Variants in DOCK5 observed in about 807,000 individuals in gnomAD.
The protein encoded by DOCK5 is dedicator of cytokinesis 5.
A neutral mutation model predicts 251.8 loss-of-function variants in DOCK5; 142 were observed. That is an observed-to-expected ratio of 0.56 (90% CI 0.49 to 0.65). DOCK5 has a LOEUF of 0.65. DOCK5 is among the 30% of genes least tolerant of loss of function. The probability of loss-of-function intolerance (pLI) is 0.00; values close to 1 mark genes in which losing one functional copy is unlikely to be tolerated. For synonymous variants in DOCK5, 842 were observed against 835.5 expected (o/e 1.01, Z -0.13); for missense variants, 2,111 against 2,312.3 (o/e 0.91, Z 1.79).
chr8:25,235,351 C>G (rs541470863), intron 1 of DOCK5, among the ~76,000 whole-genome samples: 2 of 152,258 alleles, frequency 1.3e-5, no homozygotes, highest in East Asian at 1.9e-4. Flanking sequence ...GCCTCAACCT[C>G]CTGGGCTCAA....
At position 25,242,699 on chromosome 8, in the gene DOCK5, T is replaced by C. The variant is rs549967445; in HGVS notation, c.44-975T>C. ...TTTTGAGTTATGAGTTAGTCTATCA[T>C]TTTTCACAACCCGGCCCAGCCATTG... On this transcript the variant is annotated intron_variant, in intron 1 of 51. Coordinates refer to ENST00000276440, the MANE Select transcript of DOCK5 (RefSeq NM_024940.8). Among the ~76,000 whole-genome samples, 16 of 152,358 alleles carry C rather than the reference T, an allele frequency of 1.1e-4. No homozygotes were observed. In the East Asian group the frequency reaches 3.1e-3, roughly 29 times the overall value.
intron 39 of DOCK5, among the ~76,000 whole-genome samples, 170 bp downstream of exon 39, chr8:25,380,564 A>G (rs1801047605): frequency 6.6e-6 from 1 of 152,230 alleles, no homozygotes; most frequent in South Asian, 2.1e-4. Context: ...GGCTCTGATC[A>G]ATATTTCTGC....
At chr8:25,370,062 A>T (rs1800846976) in intron 34 of DOCK5, among the ~76,000 whole-genome samples, 1 of 152,224 alleles carries the variant, frequency 6.6e-6, no homozygotes. Context: ...TAACCAAAGC[A>T]GTTCTGTCTC....
In DOCK5 at chr8:25,206,030, G is replaced by A. The variant is rs535710835; in HGVS notation, c.43+21079G>A. On this transcript the variant is annotated intron_variant, in intron 1 of 51. Transcript: ENST00000276440. ...AAAAAGTTGCAAAAAAAGTCCAGTT[G>A]GGGTTATTGGAGTTTAGAGAAGCAG... is the stretch of plus-strand genomic sequence containing the variant. 2.6e-5 allele frequency among the ~76,000 whole-genome samples: 4 copies of A among 152,248 alleles called. No homozygotes were observed. The South Asian group carries it at 8.3e-4, about 32-fold the overall frequency.
At chr8:25,344,746 C>T (rs547517227) in intron 25 of DOCK5, among the ~76,000 whole-genome samples, 63 of 152,258 alleles carry the variant, frequency 4.1e-4, no homozygotes, top group African/African-American at 1.3e-3. Flanking sequence ...CAAATTATTA[C>T]TAAACATTTT....
chr8:25,278,618 A>T lies in DOCK5; in HGVS notation c.274A>T (p.Thr92Ser), dbSNP rs2117129901. The T allele has an allele frequency of 6.2e-7, 1 of 1,613,958 alleles. No homozygotes were observed. The highest frequency in any genetic ancestry group is 8.5e-7 in the Non-Finnish European group (1 of 1,179,872). ...CGAGCTCCCCCTGGTGCAGGAGCTC[A>T]CGTCCACTCTGCGAGAATGGGCTGT... Reference protein sequence around the residue: ...PGELPLVQELTSTLREWAVIW... With the variant: ...PGELPLVQELSSTLREWAVIW... Residue 92 changes from threonine to serine, a missense_variant, in exon 5 of 52, where the codon ACG (threonine) becomes TCG (serine). Around this residue, in one of 3 missense-constraint regions of DOCK5, gnomAD observed 335 missense variants for 324.9 expected, o/e 1.03. Transcript: ENST00000276440.
At chr8:25,410,374 C>T (rs1801600635) in intron 51 of DOCK5, among the ~76,000 whole-genome samples, 172 bp downstream of exon 51, 1 of 151,832 alleles carries the variant, frequency 6.6e-6, no homozygotes, top group South Asian at 2.1e-4. Context: ...ATGGGAAGGA[C>T]AGACATGCAA....
chr8:25,188,457 C>T (rs1157670174), intron 1 of DOCK5, among the ~76,000 whole-genome samples: 5 of 152,224 alleles, frequency 3.3e-5, no homozygotes, highest in Admixed American at 2.6e-4. Flanking sequence ...GAGTGTGCCT[C>T]TGCAGAGCTA....
At chr8:25,207,774 G>A (rs773851557) in intron 1 of DOCK5, among the ~76,000 whole-genome samples, 2 of 152,186 alleles carry the variant, frequency 1.3e-5, no homozygotes, top group South Asian at 4.1e-4. Flanking sequence ...CATGCCTGCT[G>A]ACACAACATG....
At chr8:25,302,250 G>A (rs2117168570) in intron 9 of DOCK5, 75 bp from the exon 10 acceptor site, 1 of 1,502,648 alleles carries the variant, frequency 6.7e-7, no homozygotes, top group Non-Finnish European at 8.9e-7. Flanking sequence ...TTGTTGTAGA[G>A]GGTAAAGAAA....
intron 18 of DOCK5, among the ~76,000 whole-genome samples, chr8:25,329,806 C>T (rs2117213692): frequency 6.6e-6 from 1 of 152,224 alleles, no homozygotes; most frequent in South Asian, 2.1e-4. Flanking sequence ...TGTGTACACC[C>T]ATACAATTGA....
chr8:25,205,108 G>C (rs762553285), intron 1 of DOCK5, among the ~76,000 whole-genome samples: 14 of 152,038 alleles, frequency 9.2e-5, no homozygotes, highest in Non-Finnish European at 2.1e-4. Context: ...ATGTTGGCCA[G>C]GTTGGTCTTG....
At chr8:25,349,057 A>C (rs1749421490) in intron 26 of DOCK5, among the ~76,000 whole-genome samples, 1 of 152,170 alleles carries the variant, frequency 6.6e-6, no homozygotes, top group African/African-American at 2.4e-5. Context: ...CATTCAGGGA[A>C]ATGGGAAACA....
intron 1 of DOCK5, among the ~76,000 whole-genome samples, chr8:25,236,654 C>T (rs1050988699): frequency 2.6e-5 from 4 of 152,136 alleles, no homozygotes; most frequent in African/African-American, 9.7e-5. Context: ...GATGCTGGCT[C>T]ACTGCAGCCT....
intron 42 of DOCK5, among the ~76,000 whole-genome samples, chr8:25,391,245 G>A (rs967074747): frequency 1.5e-5 from 2 of 130,596 alleles, no homozygotes; most frequent in South Asian, 2.6e-4. Context: ...GTGTGTGTGT[G>A]TGTGTAAATG....
At chr8:25,280,824 T>A (rs1251758483) in intron 5 of DOCK5, among the ~76,000 whole-genome samples, 2 of 152,208 alleles carry the variant, frequency 1.3e-5, no homozygotes, top group African/African-American at 4.8e-5. Flanking sequence ...GAGTACTCTC[T>A]GGTTCTGGTT....
At chr8:25,345,976 A>C (rs1284600415) in intron 26 of DOCK5, among the ~76,000 whole-genome samples, 2 of 152,084 alleles carry the variant, frequency 1.3e-5, no homozygotes, top group Admixed American at 1.3e-4. Context: ...CAGCCTCCCG[A>C]GTAGCTGGGA....
At chr8:25,292,689 G>T (rs1480920577) in intron 6 of DOCK5, among the ~76,000 whole-genome samples, 1 of 152,176 alleles carries the variant, frequency 6.6e-6, no homozygotes, top group African/African-American at 2.4e-5. Flanking sequence ...AGTGAGCCAT[G>T]ATTGCATGCC....
At chr8:25,235,630 A>G (rs1323809970) in intron 1 of DOCK5, among the ~76,000 whole-genome samples, 1 of 152,166 alleles carries the variant, frequency 6.6e-6, no homozygotes, top group African/African-American at 2.4e-5. Flanking sequence ...TTAATGTCAT[A>G]TTCATGTAAA....
Sources: gnomAD v4.1 joint callset for allele counts (sites outside exome capture counted in the v4.1 genomes callset) on GRCh38, gnomAD v4.1.1 for gene constraint, gnomAD v4.1.1 regional missense constraint, MANE v1.5 for transcripts, NCBI Gene and HGNC (gene_info 2026-07-23, HGNC 2026-07-21) for gene names.